The following PTPN21 variants were observed in gnomAD, a reference collection of about 807,000 sequenced individuals.
PTPN21 encodes protein tyrosine phosphatase non-receptor type 21, also known as tyrosine-protein phosphatase non-receptor type 21.
Under a neutral mutation model 131.8 loss-of-function variants are expected in PTPN21, and 77 were observed. That is an observed-to-expected ratio of 0.58 (90% CI 0.49 to 0.71). PTPN21 has a LOEUF of 0.71. PTPN21 is among the 30% of genes least tolerant of loss of function. PTPN21 has a pLI of 0.00. For missense variants in PTPN21, 1,552 were observed against 1,527.1 expected (o/e 1.02, Z -0.27); for synonymous variants, 715 against 621.3 (o/e 1.15, Z -2.24).
Position 88,535,357 on chromosome 14 carries a change from T to G in PTPN21, c.180+14881A>C, listed in dbSNP as rs547765207. ...GACACATGGCTGTATTTCCCCCGGG[T>G]GACAATGCCTGAGATTCCAATAGCT... On this transcript the variant is annotated intron_variant, in intron 2 of 18. Transcript: ENST00000556564. 2.9e-3 allele frequency among the ~76,000 whole-genome samples: 437 copies of G among 152,196 alleles called. 2 individuals carry two copies. Among genetic ancestry groups the G allele is most frequent in the African/African-American group, 0.01 (423 of 41,528 alleles).
intron 9 of PTPN21, among the ~76,000 whole-genome samples, chr14:88,496,791 C>CA (rs1269138526): frequency 1.3e-5 from 2 of 152,166 alleles, no homozygotes; most frequent in Non-Finnish European, 2.9e-5. Context: ...CAAATATACT[C>CA]AAAGACATTT....
At chr14:88,478,385 C>G (rs1171534382) in intron 13 of PTPN21, among the ~76,000 whole-genome samples, 3 of 152,194 alleles carry the variant, frequency 2.0e-5, no homozygotes, top group Non-Finnish European at 2.9e-5. Context: ...GTGCCACCTT[C>G]CCAACTCCAG....
At chr14:88,549,348 T>G (rs761134832) in intron 2 of PTPN21, among the ~76,000 whole-genome samples, 7 of 152,130 alleles carry the variant, frequency 4.6e-5, no homozygotes, top group Non-Finnish European at 7.4e-5. Context: ...AAATGGAAAT[T>G]TGAACAACCC....
intron 7 of PTPN21, 117 bp downstream of exon 7, chr14:88,501,164 T>C: frequency 1.1e-6 from 1 of 949,416 alleles, no homozygotes; most frequent in Non-Finnish European, 1.6e-6. Context: ...CTTTTAAGTT[T>C]CCAGAGTTTT....
In PTPN21 at chr14:88,480,214, G is replaced by A. The variant is rs192828572; in HGVS notation, c.1217C>T (p.Pro406Leu). 1.8e-5 allele frequency: 29 copies of A among 1,614,196 alleles called. No individual in the cohort carries two copies. The African/African-American group carries it at 2.8e-4, about 16-fold the overall frequency. The change falls in exon 13 of 19, where the codon CCT (proline) becomes CTT (leucine). Residue 406 changes from proline to leucine, a missense_variant. By Grantham distance (98) the Pro-to-Leu change is moderately conservative. Transcript: ENST00000556564. ...CGGCGAGGGCTGCAAGTAGGGCTGA[G>A]GATTATTTAAGGAGTTGGTGCTGTG... ...SAHSTNSLNN[P>L]QPYLQPSPMS...
intron 2 of PTPN21, among the ~76,000 whole-genome samples, chr14:88,536,280 T>A (rs907952896): frequency 3.9e-5 from 6 of 152,236 alleles, no homozygotes; most frequent in East Asian, 1.9e-4. Flanking sequence ...TTTCAAAAAG[T>A]TATTCAATGA....
At chr14:88,474,198 T>TA (rs1434626535) in intron 13 of PTPN21, among the ~76,000 whole-genome samples, 1 of 135,062 alleles carries the variant, frequency 7.4e-6, no homozygotes, top group East Asian at 2.3e-4. Flanking sequence ...TAAGCTTTTA[T>TA]AAATTTTTTT....
rs144916630 is a variant in PTPN21, at chr14:88,489,517, C to T, written c.933-3675G>A. ...AATTAGCCAGGCATGGTGGCACACG[C>T]TTATAATCCTGGCTACTTCAGAAGC... On this transcript the variant is annotated intron_variant, in intron 10 of 18. Coordinates refer to ENST00000556564, the MANE Select transcript of PTPN21 (RefSeq NM_007039.4). Among the ~76,000 whole-genome samples the T allele has an allele frequency of 5.3e-5, 8 of 152,164 alleles. No homozygotes were observed. The East Asian group carries it at 1.4e-3, about 26-fold the overall frequency.
chr14:88,476,647 A>C (rs1228577182), intron 13 of PTPN21, among the ~76,000 whole-genome samples: 2 of 152,294 alleles, frequency 1.3e-5, no homozygotes, highest in East Asian at 3.9e-4. Context: ...GTGGAAGCTG[A>C]GGTTCTGACG....
chr14:88,534,785 G>A (rs1452665543), intron 2 of PTPN21, among the ~76,000 whole-genome samples: 2 of 152,100 alleles, frequency 1.3e-5, no homozygotes, highest in Admixed American at 6.5e-5. Flanking sequence ...GAGGCTACTT[G>A]GGAGAATGCT....
intron 2 of PTPN21, among the ~76,000 whole-genome samples, chr14:88,520,119 T>C (rs1197956730): frequency 1.3e-5 from 2 of 152,164 alleles, no homozygotes; most frequent in African/African-American, 2.4e-5. Flanking sequence ...GAAAGTTATA[T>C]AAAACCTTAT....
At chr14:88,520,564 AAT>A (rs1177071031) in intron 2 of PTPN21, among the ~76,000 whole-genome samples, 1 of 152,222 alleles carries the variant, frequency 6.6e-6, no homozygotes, top group African/African-American at 2.4e-5. Context: ...GTAAGCATAG[AAT>A]ATGTATCATA....
chr14:88,473,747 G>A lies in PTPN21; in HGVS notation c.2567C>T (p.Ala856Val), dbSNP rs766302119. 3.8e-5 allele frequency: 62 copies of A among 1,610,570 alleles called. 1 individual carries two copies. Among genetic ancestry groups the A allele is most frequent in the Non-Finnish European group, 5.0e-5 (59 of 1,179,318 alleles). Residue 856 changes from alanine (A) to valine (V), a missense_variant, in exon 14 of 19, where the codon GCC becomes GTC. This residue lies in a region of PTPN21 where 1,016 missense variants were observed against 883.5 expected (regional missense o/e 1.15). Coordinates refer to ENST00000556564, the MANE Select transcript of PTPN21 (RefSeq NM_007039.4). Reference protein sequence around the residue: ...AKKIGPLKLAALNGLSLSRVP... With the variant: ...AKKIGPLKLAVLNGLSLSRVP... ...TCGAGATAGGGAGAGTCCATTTAGG[G>A]CAGCCAGTTTAAGAGGACCAATTTT...
chr14:88,479,240 G>A lies in PTPN21; in HGVS notation c.2191C>T (p.Arg731Cys), dbSNP rs761935670. 38 of 1,609,718 alleles carry A rather than the reference G, an allele frequency of 2.4e-5. No homozygotes were observed. The highest frequency in any genetic ancestry group is 3.2e-5 in the Non-Finnish European group (38 of 1,178,078). The change falls in exon 13 of 19, where the codon CGT (arginine) becomes TGT (cysteine). Residue 731 changes from arginine to cysteine, a missense_variant. By Grantham distance (180) the Arg-to-Cys change is radical (BLOSUM62 -3). Coordinates refer to ENST00000556564, the MANE Select transcript of PTPN21 (RefSeq NM_007039.4). ...EESGARAPPA[R>C]AREPRPGLAQ... Reference sequence around the variant, plus strand: ...AGGCCGGGCCGAGGCTCGCGCGCACGTGCAGGAGGCGCCCGGGCCCCGCTC... The same window carrying A: ...AGGCCGGGCCGAGGCTCGCGCGCACATGCAGGAGGCGCCCGGGCCCCGCTC...
chr14:88,479,180 G>C lies in PTPN21; in HGVS notation c.2251C>G (p.Leu751Val). The change falls in exon 13 of 19, where the codon CTC becomes GTC. Residue 751 changes from leucine to valine, a missense_variant. Leu to Val is a conservative substitution (Grantham distance 32). Around this residue, in one of 4 missense-constraint regions of PTPN21, gnomAD observed 1,016 missense variants for 883.5 expected, o/e 1.15. Transcript: ENST00000556564. Reference protein sequence around the residue: ...QDPPGCPRVLLAGPLHILEPK... With the variant: ...QDPPGCPRVLVAGPLHILEPK... ...TCCAGGATGTGCAGGGGCCCGGCGA[G>C]CAGGACGCGAGGGCAGCCAGGTGGG... 1 of 1,556,654 alleles carries C rather than the reference G, an allele frequency of 6.4e-7. No homozygotes were observed. Among genetic ancestry groups the C allele is most frequent in the African/African-American group, 1.4e-5 (1 of 72,660 alleles).
chr14:88,468,978 C>A lies in PTPN21; in HGVS notation c.3334G>T (p.Val1112Leu), dbSNP rs1469962347. The A allele has an allele frequency of 1.2e-6, 2 of 1,614,162 alleles. No individual in the cohort carries two copies. The highest frequency in any genetic ancestry group is 2.7e-5 in the African/African-American group (2 of 75,062). The part of the protein sequence containing the change: ...PPLLVHCSAG[V>L]GRTGVVILSE... The stretch of plus-strand genomic sequence containing the variant: ...AAAATCACCACGCCAGTCCTTCCTA[C>A]CCCAGCACTGCAGTGGACCAACAAC... The change falls in exon 18 of 19, where the codon GTA (valine) becomes TTA (leucine). Residue 1112 changes from valine (V) to leucine (L), a missense_variant. Transcript: ENST00000556564.
Position 88,479,862 on chromosome 14 carries a change from G to C in PTPN21, c.1569C>G (p.Pro523=), listed in dbSNP as rs574444363. ...SLSYSFHSPS[P]YPYPAERRPV... ...GCCGCCGCTCGGCAGGGTAGGGGTA[G>C]GGAGACGGGCTGTGGAAGCTGTAGC... is the stretch of plus-strand genomic sequence containing the variant. The change falls in exon 13 of 19, where the codon CCC becomes CCG. Residue 523 remains proline (P), a synonymous_variant. Transcript: ENST00000556564. 5 of 1,571,630 alleles carry C rather than the reference G, an allele frequency of 3.2e-6. No homozygotes were observed. The South Asian group carries it at 3.5e-5, about 11-fold the overall frequency.
intron 3 of PTPN21, among the ~76,000 whole-genome samples, chr14:88,514,469 CTTTTTT>C (rs555587081): frequency 7.1e-6 from 1 of 140,762 alleles, no homozygotes; most frequent in Non-Finnish European, 1.6e-5. Context: ...TTTCTTTTTT[CTTTTTT>C]TTTTTTGAGA....
chr14:88,539,005 C>A (rs2078667031), intron 2 of PTPN21, among the ~76,000 whole-genome samples: 1 of 151,942 alleles, frequency 6.6e-6, no homozygotes, highest in South Asian at 2.1e-4. Flanking sequence ...TTTCGTATTA[C>A]ATTTATTTAG....
Sources: allele counts gnomAD v4.1 joint callset (sites outside exome capture counted in the v4.1 genomes callset), GRCh38; gene constraint gnomAD v4.1.1; regional missense constraint gnomAD v4.1.1; transcripts MANE v1.5; gene names NCBI Gene and HGNC (gene_info 2026-07-23, HGNC 2026-07-21).